The following CSMD3 variants were observed in gnomAD, a reference collection of about 807,000 sequenced individuals.
CSMD3 encodes the protein CUB and sushi domain-containing protein 3.
Under a neutral mutation model 435.2 loss-of-function variants are expected in CSMD3, and 177 were observed. The ratio of observed to expected loss-of-function variants is 0.41; its 90% CI spans 0.36 to 0.46. The LOEUF (loss-of-function observed/expected upper bound fraction) is 0.46, where lower values mean the gene tolerates loss of function less well. CSMD3 is among the 20% of genes least tolerant of loss of function. CSMD3 has a pLI of 0.34. For synonymous variants in CSMD3, 1,656 were observed against 1,520.5 expected (o/e 1.09, Z -2.07); for missense variants, 4,265 against 4,504.6 (o/e 0.95, Z 1.52).
rs528942738 is a variant in CSMD3, at chr8:112,806,989, T to C, written c.1860-6715A>G. Among the ~76,000 whole-genome samples the C allele has an allele frequency of 2.2e-4, 33 of 152,312 alleles. 1 individual carries two copies. In the South Asian group the frequency reaches 6.6e-3, roughly 31 times the overall value. ...GCTGCACAATTGATTTACAGCCCTG[T>C]TGCCTCTGGCCAGACCACCAGGTGG... On this transcript the variant is annotated intron_variant, in intron 12 of 70. Coordinates refer to ENST00000297405, the MANE Select transcript of CSMD3 (RefSeq NM_198123.2).
intron 4 of CSMD3, among the ~76,000 whole-genome samples, chr8:113,153,126 A>AAGGAAGGAAG (rs1429322418): frequency 1.7e-3 from 112 of 64,054 alleles, no homozygotes; most frequent in Middle Eastern, 6.7e-3. Context: ...AGAAAGAAAG[A>AAGGAAGGAAG]GAAAGAAGGA....
intron 5 of CSMD3, among the ~76,000 whole-genome samples, chr8:113,095,192 T>G (rs2090126338): frequency 6.6e-6 from 1 of 152,180 alleles, no homozygotes; most frequent in South Asian, 2.1e-4. Context: ...AATCACACTG[T>G]CACTTGCAAA....
rs180891207 is a variant in CSMD3 at position 113,346,566 on chromosome 8, C to T, written c.179-31773G>A. On this transcript the variant is annotated intron_variant, in intron 1 of 70. Coordinates refer to ENST00000297405, the MANE Select transcript of CSMD3 (RefSeq NM_198123.2). ...TGTATATGTAACCACATTATTAAAA[C>T]CAGGGCAAATTTTTCAGGATGTAGC... Among the ~76,000 whole-genome samples, 779 of 152,044 alleles carry T rather than the reference C, an allele frequency of 5.1e-3. 12 individuals carry two copies. Among genetic ancestry groups the T allele is most frequent in the African/African-American group, 0.018 (752 of 41,492 alleles).
chr8:113,431,623 A>G (rs1387171148), intron 1 of CSMD3, among the ~76,000 whole-genome samples: 1 of 152,214 alleles, frequency 6.6e-6, no homozygotes, highest in Non-Finnish European at 1.5e-5. Context: ...TTTGGAACAC[A>G]TGAAGAAGTA....
chr8:112,237,051 T>C, intron 67 of CSMD3, 139 bp downstream of exon 67: 2 of 901,236 alleles, frequency 2.2e-6, no homozygotes, highest in Non-Finnish European at 3.5e-6. Context: ...ACCTTGGTTC[T>C]GAGTGAATAT....
rs760270087 is a variant in CSMD3, at chr8:112,301,884, A to G, written c.8349T>C (p.Phe2783=). Residue 2783 remains phenylalanine (F), a synonymous_variant, in exon 53 of 71, where the codon TTT becomes TTC. Transcript: ENST00000297405. Reference sequence around the variant, plus strand: ...CAAGCATGAATCCCAAGTCGCAGGTAAAGATAGCTGTTGAGCCATATGAAG... The same window carrying G: ...CAAGCATGAATCCCAAGTCGCAGGTGAAGATAGCTGTTGAGCCATATGAAG... ...TQTSYGSTAI[F]TCDLGFMLVG... 2 of 1,613,526 alleles carry G rather than the reference A, an allele frequency of 1.2e-6. No homozygotes were observed. The highest frequency in any genetic ancestry group is 1.7e-6 in the Non-Finnish European group (2 of 1,179,492).
At chr8:112,716,533 A>T (rs1039748940) in intron 13 of CSMD3, among the ~76,000 whole-genome samples, 1 of 152,188 alleles carries the variant, frequency 6.6e-6, no homozygotes, top group African/African-American at 2.4e-5. Flanking sequence ...TATTCCCATC[A>T]AACTACCATT....
chr8:113,129,187 A>C (rs772077596), intron 4 of CSMD3, among the ~76,000 whole-genome samples: 2 of 152,136 alleles, frequency 1.3e-5, no homozygotes, highest in African/African-American at 2.4e-5. Context: ...TCATATTGTG[A>C]GCATAGCTTA....
intron 13 of CSMD3, among the ~76,000 whole-genome samples, chr8:112,709,513 A>C (rs1357342490): frequency 6.6e-6 from 1 of 152,062 alleles, no homozygotes; most frequent in Non-Finnish European, 1.5e-5. Context: ...TATTTAGTTC[A>C]ATTTAAATTA....
intron 13 of CSMD3, among the ~76,000 whole-genome samples, chr8:112,698,219 T>C (rs2076302724): frequency 6.6e-6 from 1 of 152,180 alleles, no homozygotes; most frequent in South Asian, 2.1e-4. Context: ...AAAGAGCATT[T>C]ACAAATGTAG....
intron 24 of CSMD3, among the ~76,000 whole-genome samples, chr8:112,559,545 A>ACAT (rs1350629407): frequency 4.6e-5 from 7 of 151,860 alleles, no homozygotes; most frequent in African/African-American, 7.2e-5. Context: ...GCTGACACAG[A>ACAT]CATCATCATC....
chr8:113,405,950 T>C (rs2094530903), intron 1 of CSMD3, among the ~76,000 whole-genome samples: 2 of 151,794 alleles, frequency 1.3e-5, no homozygotes, highest in African/African-American at 4.8e-5. Flanking sequence ...GTTTTACGAG[T>C]TGCATTGAAC....
intron 45 of CSMD3, among the ~76,000 whole-genome samples, chr8:112,331,584 C>T (rs1046977975): frequency 2.0e-5 from 3 of 151,746 alleles, no homozygotes; most frequent in African/African-American, 7.3e-5. Context: ...CTCTCTTTTC[C>T]AGCACATTCA....
At chr8:112,941,871 C>T (rs2083461757) in intron 9 of CSMD3, among the ~76,000 whole-genome samples, 1 of 151,590 alleles carries the variant, frequency 6.6e-6, no homozygotes, top group African/African-American at 2.4e-5. Flanking sequence ...CTCTCCCCAT[C>T]ATAATACAGT....
At chr8:113,130,109 G>A (rs1392775564) in intron 4 of CSMD3, among the ~76,000 whole-genome samples, 4 of 151,970 alleles carry the variant, frequency 2.6e-5, no homozygotes, top group African/African-American at 9.7e-5. Context: ...ACTAAGCACA[G>A]TAATGTGCTT....
intron 32 of CSMD3, among the ~76,000 whole-genome samples, chr8:112,464,898 C>T (rs1338152904): frequency 6.6e-6 from 1 of 152,140 alleles, no homozygotes; most frequent in Non-Finnish European, 1.5e-5. Flanking sequence ...AAGTATGCCT[C>T]ATTTTAATCA....
chr8:112,333,382 G>C (rs543660063), intron 45 of CSMD3, among the ~76,000 whole-genome samples: 104 of 152,188 alleles, frequency 6.8e-4, no homozygotes, highest in African/African-American at 2.2e-3. Context: ...GGTCAGGCTA[G>C]TCTCGAACTC....
At chr8:113,377,690 AC>A (rs2133089090) in intron 1 of CSMD3, among the ~76,000 whole-genome samples, 1 of 152,286 alleles carries the variant, frequency 6.6e-6, no homozygotes, top group South Asian at 2.1e-4. Flanking sequence ...TTGGAGTTGG[AC>A]CATCTGCAAT....
chr8:112,224,643 T>A lies in CSMD3; in HGVS notation c.*128A>T, dbSNP rs1812407254. 3.4e-6 allele frequency: 3 copies of A among 882,570 alleles called. No individual in the cohort carries two copies. Among genetic ancestry groups the A allele is most frequent in the African/African-American group, 1.6e-5 (1 of 60,968 alleles). The allele number at this position is 882,570 out of a possible 1,614,324, so 54.7% of individuals were successfully genotyped here. ...GTTTATGAAAAAACACTCTTCTGTA[T>A]CATTCCTCAGGAAAAGGTGACCCAG... On this transcript the variant is annotated 3_prime_UTR_variant, in exon 71 of 71. Transcript: ENST00000297405.
Sources: gnomAD v4.1 joint callset for allele counts (sites outside exome capture counted in the v4.1 genomes callset) on GRCh38, gnomAD v4.1.1 for gene constraint, MANE v1.5 for transcripts, NCBI Gene and HGNC (gene_info 2026-07-23, HGNC 2026-07-21) for gene names.